Variants in PHIP observed in about 807,000 individuals in gnomAD.
The protein encoded by PHIP is PH-interacting protein.
PHIP carries 54 observed loss-of-function variants against 236.8 expected under a neutral mutation model. The observed-to-expected ratio is 0.23, with a 90% CI of 0.18 to 0.29. PHIP has a LOEUF of 0.29. Among genes scored for constraint, PHIP ranks in the 10% least tolerant of loss-of-function variants. The pLI is 1.00. For synonymous variants in PHIP, 756 were observed against 718.9 expected, an observed-to-expected ratio of 1.05 and a Z score of -0.83; for missense variants, 1,370 against 2,190.8, an observed-to-expected ratio of 0.63 and a Z score of 7.48.
rs769550309 is a variant in PHIP, at chr6:78,997,532, T to C, written c.2083A>G (p.Ile695Val). The change falls in exon 19 of 40, where the codon ATT (isoleucine) becomes GTT (valine). Residue 695 changes from isoleucine (I) to valine (V), a missense_variant. Around this residue, in one of 14 missense-constraint regions of PHIP, gnomAD observed 133 missense variants for 245.2 expected, o/e 0.54. Transcript: ENST00000275034. The stretch of plus-strand genomic sequence containing the variant: ...CTGTGCATTTGCCGTACACCTTCAA[T>C]TTGTCCACTACGTCTTAGTCCTACG... ...PNVGLRRSGQ[I>V]EGVRQMHSNA... 1 of 1,614,062 alleles carries C rather than the reference T, an allele frequency of 6.2e-7. No homozygotes were observed. The highest frequency in any genetic ancestry group is 8.5e-7 in the Non-Finnish European group (1 of 1,179,938).
At chr6:79,053,639 A>G (rs1033439044) in intron 6 of PHIP, among the ~76,000 whole-genome samples, 5 of 152,220 alleles carry the variant, frequency 3.3e-5, no homozygotes, top group African/African-American at 1.2e-4. Flanking sequence ...CTAAGAAAAC[A>G]CTGAATACGT....
chr6:79,016,159 G>GA (rs2127741167), intron 13 of PHIP, among the ~76,000 whole-genome samples: 1 of 151,938 alleles, frequency 6.6e-6, no homozygotes, highest in East Asian at 1.9e-4. Flanking sequence ...TACAAGTGGA[G>GA]AAAAATATTA....
intron 6 of PHIP, among the ~76,000 whole-genome samples, chr6:79,056,035 C>T (rs890603095): frequency 3.9e-5 from 6 of 152,152 alleles, no homozygotes; most frequent in African/African-American, 1.4e-4. Context: ...TCATCAACTA[C>T]CTACTACTTT....
chr6:79,043,058 G>A, intron 6 of PHIP, 55 bp from the exon 7 acceptor site: 1 of 1,436,288 alleles, frequency 7.0e-7, no homozygotes, highest in Non-Finnish European at 9.7e-7. Context: ...TTTCTTACAT[G>A]ATCACCTTTT....
At chr6:78,969,178 A>G (rs1174241616) in intron 27 of PHIP, among the ~76,000 whole-genome samples, 2 of 152,210 alleles carry the variant, frequency 1.3e-5, no homozygotes, top group South Asian at 2.1e-4. Context: ...TACAGAGCAC[A>G]TACAAGTTTT....
chr6:78,990,877 A>C lies in PHIP; in HGVS notation c.2310T>G (p.Thr770=). The C allele has an allele frequency of 1.3e-6, 2 of 1,549,128 alleles. No individual in the cohort carries two copies. The highest frequency in any genetic ancestry group is 2.3e-5 in the South Asian group (2 of 88,394). ...AATAATTAATATGTACCTTTGAGAC[A>C]GTGGGTATTTTATTCTCTTTTGGAA... is the stretch of plus-strand genomic sequence containing the variant. ...LTVPKENKIP[T]VSKNHAHEHF... is the part of the protein sequence containing the mutation. The change falls in exon 20 of 40, where the codon ACT becomes ACG. Residue 770 remains threonine (T), a synonymous_variant. Transcript: ENST00000275034.
rs758417892 is a variant in PHIP at position 78,946,884 on chromosome 6, A to G, written c.4207-10T>C. 4.3e-5 allele frequency: 54 copies of G among 1,254,586 alleles called. No individual in the cohort carries two copies. Among genetic ancestry groups the G allele is most frequent in the East Asian group, 6.1e-5 (2 of 32,654 alleles). The allele number at this position is 1,254,586 out of a possible 1,614,324, so 77.7% of individuals were successfully genotyped here. On this transcript the variant is annotated splice_polypyrimidine_tract_variant and intron_variant, in intron 36 of 39. Coordinates refer to ENST00000275034, the MANE Select transcript of PHIP (RefSeq NM_017934.7). ...AACTCATGCTGTAAATCTGTGAGGG[A>G]AAAAAAAAAGTGTTCAACCATTCCT...
intron 6 of PHIP, among the ~76,000 whole-genome samples, chr6:79,045,869 C>A (rs973817842): frequency 2.6e-5 from 4 of 152,116 alleles, no homozygotes; most frequent in African/African-American, 9.7e-5. Flanking sequence ...GTGATAGAAA[C>A]TATTCTTAAA....
intron 27 of PHIP, 92 bp downstream of exon 27, chr6:78,969,743 T>A (rs927375639): frequency 1.7e-6 from 1 of 586,942 alleles, no homozygotes; most frequent in African/African-American, 1.9e-5. Flanking sequence ...ATTTCTCTGA[T>A]AATCTTTTTC....
At chr6:79,073,037 C>T (rs1363770220) in intron 4 of PHIP, among the ~76,000 whole-genome samples, 1 of 152,102 alleles carries the variant, frequency 6.6e-6, no homozygotes, top group Non-Finnish European at 1.5e-5. Flanking sequence ...AAACAGACTC[C>T]CTCAATACGA....
intron 24 of PHIP, among the ~76,000 whole-genome samples, chr6:78,976,870 G>GA (rs1768119528): frequency 1.0e-5 from 1 of 96,616 alleles, no homozygotes; most frequent in African/African-American, 3.9e-5. Flanking sequence ...AAAAAGTCAG[G>GA]AAACAACAGG....
At chr6:79,059,027 G>C (rs1018467292) in intron 6 of PHIP, among the ~76,000 whole-genome samples, 8 of 151,922 alleles carry the variant, frequency 5.3e-5, no homozygotes, top group Non-Finnish European at 1.0e-4. Context: ...ATTATAGCAA[G>C]ATTATATATT....
intron 27 of PHIP, among the ~76,000 whole-genome samples, chr6:78,968,254 CT>C (rs144078379): frequency 0.019 from 2,952 of 152,310 alleles, 88 homozygotes; most frequent in African/African-American, 0.067. Flanking sequence ...ATTTTACCTA[CT>C]ACTTCTTGAC....
chr6:79,014,873 T>G (rs1052492701), intron 15 of PHIP, among the ~76,000 whole-genome samples: 1 of 151,904 alleles, frequency 6.6e-6, no homozygotes, highest in African/African-American at 2.4e-5. Context: ...GTTATCACAA[T>G]GTACAGGCAC....
chr6:78,988,149 C>G (rs1768982141), intron 21 of PHIP, 60 bp downstream of exon 21: 1 of 1,235,098 alleles, frequency 8.1e-7, no homozygotes, highest in Admixed American at 2.5e-5. Flanking sequence ...AAGAATGAAA[C>G]TCATATTTAA....
intron 35 of PHIP, among the ~76,000 whole-genome samples, chr6:78,948,860 C>T (rs558008516): frequency 5.6e-4 from 85 of 152,280 alleles, no homozygotes; most frequent in African/African-American, 1.8e-3. Context: ...TGACTTTGCA[C>T]CATCAAGTTT....
At chr6:79,015,242 A>C in intron 14 of PHIP, 26 bp from the exon 15 acceptor site, 2 of 1,549,948 alleles carry the variant, frequency 1.3e-6, no homozygotes, top group Non-Finnish European at 1.8e-6. Flanking sequence ...AGTGTCAAAG[A>C]ATCATAGATA....
At chr6:79,042,076 G>A (rs578206296) in intron 7 of PHIP, among the ~76,000 whole-genome samples, 2 of 152,064 alleles carry the variant, frequency 1.3e-5, no homozygotes, top group African/African-American at 2.4e-5. Context: ...AAAACCTTGT[G>A]AATGAATGCA....
chr6:79,016,773 A>G, intron 12 of PHIP, 131 bp from the exon 13 acceptor site: 1 of 554,888 alleles, frequency 1.8e-6, no homozygotes, highest in Non-Finnish European at 3.2e-6. Context: ...AACTTCTGAA[A>G]CTTTATGGGC....
Sources: allele counts gnomAD v4.1 joint callset (sites outside exome capture counted in the v4.1 genomes callset), GRCh38; gene constraint gnomAD v4.1.1; regional missense constraint gnomAD v4.1.1; transcripts MANE v1.5; gene names NCBI Gene and HGNC (gene_info 2026-07-23, HGNC 2026-07-21).